Variants in DCC observed in about 807,000 individuals in gnomAD.
DCC encodes DCC netrin 1 receptor.
A neutral mutation model predicts 172.5 loss-of-function variants in DCC; 58 were observed. That is an observed-to-expected ratio of 0.34 (90% CI 0.27 to 0.42). The LOEUF is 0.42. Among genes scored for constraint, DCC ranks in the 10% least tolerant of loss-of-function variants. The probability of loss-of-function intolerance (pLI) is 1.00; values close to 1 mark genes in which losing one functional copy is unlikely to be tolerated. For missense variants in DCC, 1,740 were observed against 1,791.0 expected (o/e 0.97, Z 0.51); for synonymous variants, 709 against 644.5 (o/e 1.10, Z -1.52).
At chr18:52,750,923 T>G in intron 1 of DCC, among the ~76,000 whole-genome samples, 1 of 152,024 alleles carries the variant, frequency 6.6e-6, no homozygotes, top group East Asian at 1.9e-4. Flanking sequence ...GACTAAAACA[T>G]AATTTAGGTG....
intron 5 of DCC, among the ~76,000 whole-genome samples, chr18:52,991,936 C>A (rs1452220755): frequency 6.6e-6 from 1 of 152,162 alleles, no homozygotes; most frequent in Non-Finnish European, 1.5e-5. Context: ...TATTATAACG[C>A]AAGGTGGGAT....
intron 1 of DCC, among the ~76,000 whole-genome samples, chr18:52,451,407 G>T (rs1397777275): frequency 2.6e-5 from 4 of 152,158 alleles, no homozygotes; most frequent in Non-Finnish European, 5.9e-5. Flanking sequence ...GATTCAAAAA[G>T]CATCATTTCT....
intron 16 of DCC, among the ~76,000 whole-genome samples, chr18:53,388,065 G>A (rs1908291338): frequency 6.6e-6 from 1 of 152,142 alleles, no homozygotes; most frequent in African/African-American, 2.4e-5. Context: ...AAACACCAGT[G>A]ATCCAGGCAA....
intron 15 of DCC, among the ~76,000 whole-genome samples, chr18:53,381,922 A>C (rs574253643): frequency 2.0e-5 from 3 of 152,018 alleles, no homozygotes; most frequent in African/African-American, 7.2e-5. Flanking sequence ...ACTACCTTCC[A>C]TACACTAATA....
intron 1 of DCC, among the ~76,000 whole-genome samples, chr18:52,669,498 A>T (rs1417007831): frequency 6.6e-6 from 1 of 152,194 alleles, no homozygotes; most frequent in Non-Finnish European, 1.5e-5. Context: ...AGGAACAAGG[A>T]CAGCTTAAAG....
At chr18:52,745,296 G>A (rs2036889929) in intron 1 of DCC, among the ~76,000 whole-genome samples, 1 of 152,110 alleles carries the variant, frequency 6.6e-6, no homozygotes, top group Non-Finnish European at 1.5e-5. Flanking sequence ...GAAAAGTCAT[G>A]GCAAGATAGT....
chr18:52,991,726 G>A (rs2041395173), intron 5 of DCC, among the ~76,000 whole-genome samples: 1 of 152,040 alleles, frequency 6.6e-6, no homozygotes, highest in African/African-American at 2.4e-5. Flanking sequence ...TTATCTTTAT[G>A]GTAACATTCC....
intron 5 of DCC, among the ~76,000 whole-genome samples, chr18:52,999,240 A>T (rs1202781059): frequency 6.6e-6 from 1 of 152,066 alleles, no homozygotes; most frequent in East Asian, 1.9e-4. Context: ...CAAAGACAGC[A>T]TGCTTCTAAC....
intron 13 of DCC, among the ~76,000 whole-genome samples, chr18:53,312,775 G>C (rs7504562): frequency 0.82 from 112,113 of 136,728 alleles, 46,639 homozygotes; most frequent in Non-Finnish European, 0.89. Context: ...TGCCACTGCA[G>C]TCCAGCCTGG....
intron 1 of DCC, among the ~76,000 whole-genome samples, chr18:52,373,096 T>A (rs909705638): frequency 1.4e-4 from 21 of 152,172 alleles, no homozygotes; most frequent in Non-Finnish European, 2.4e-4. Flanking sequence ...ACAGATTTTT[T>A]AAAAAAATGT....
At chr18:52,894,416 C>T in intron 2 of DCC, among the ~76,000 whole-genome samples, 1 of 151,318 alleles carries the variant, frequency 6.6e-6, no homozygotes, top group Admixed American at 6.6e-5. Context: ...CACACACACA[C>T]ACATGCATAC....
At chr18:53,178,038 G>T (rs2055135668) in intron 8 of DCC, among the ~76,000 whole-genome samples, 1 of 152,142 alleles carries the variant, frequency 6.6e-6, no homozygotes, top group South Asian at 2.1e-4. Context: ...AGAAGCAAGA[G>T]ATATTATCTA....
chr18:53,147,092 T>C (rs2043926890), intron 7 of DCC, among the ~76,000 whole-genome samples: 1 of 152,198 alleles, frequency 6.6e-6, no homozygotes, highest in African/African-American at 2.4e-5. Flanking sequence ...GTGATTATTG[T>C]TTTTATTGTC....
intron 2 of DCC, among the ~76,000 whole-genome samples, chr18:52,830,791 A>G (rs535992421): frequency 2.4e-4 from 37 of 152,268 alleles, no homozygotes; most frequent in Non-Finnish European, 4.3e-4. Context: ...ATTTCCATTA[A>G]ATGTAGGTTT....
chr18:53,151,856 A>G (rs1390862916), intron 7 of DCC, among the ~76,000 whole-genome samples: 1 of 152,156 alleles, frequency 6.6e-6, no homozygotes, highest in Non-Finnish European at 1.5e-5. Context: ...TTAAGTTTTA[A>G]TTATACACAA....
intron 2 of DCC, among the ~76,000 whole-genome samples, chr18:52,826,819 G>A (rs562741308): frequency 7.2e-5 from 11 of 152,234 alleles, no homozygotes; most frequent in African/African-American, 2.4e-4. Context: ...CTCTGTATCC[G>A]TGGAGTTTCC....
At chr18:53,523,963 G>C (rs535064083) in intron 27 of DCC, among the ~76,000 whole-genome samples, 1 of 152,044 alleles carries the variant, frequency 6.6e-6, no homozygotes, top group South Asian at 2.1e-4. Flanking sequence ...AAAAGAAATA[G>C]TAAAATTATG....
Position 52,436,454 on chromosome 18 carries a change from G to T in DCC, c.91+95576G>T, listed in dbSNP as rs544028231. Among the ~76,000 whole-genome samples the T allele has an allele frequency of 1.7e-3, 265 of 152,284 alleles. 2 individuals carry two copies. Among genetic ancestry groups the T allele is most frequent in the Middle Eastern group, 6.8e-3 (2 of 294 alleles). On this transcript the variant is annotated intron_variant, in intron 1 of 28. Coordinates refer to ENST00000442544, the MANE Select transcript of DCC (RefSeq NM_005215.4). ...CTCAACATGCTGCTCATGCTTTGTG[G>T]CATTAGCATCACCTGGAAAGCTTGT...
At chr18:52,991,536 T>G (rs2041392063) in intron 5 of DCC, among the ~76,000 whole-genome samples, 1 of 152,184 alleles carries the variant, frequency 6.6e-6, no homozygotes, top group Non-Finnish European at 1.5e-5. Flanking sequence ...TAGGCTGAAC[T>G]TCTGCCCTTT....
Sources: gnomAD v4.1 joint callset for allele counts (sites outside exome capture counted in the v4.1 genomes callset) on GRCh38, gnomAD v4.1.1 for gene constraint, MANE v1.5 for transcripts, NCBI Gene and HGNC (gene_info 2026-07-23, HGNC 2026-07-21) for gene names.